Variants in FAM193A observed in about 807,000 individuals in gnomAD.
FAM193A encodes family with sequence similarity 193 member A.
In FAM193A, 22 loss-of-function variants were observed where a neutral mutation model predicts 126.5. That is an observed-to-expected ratio of 0.17 (90% confidence interval 0.12 to 0.25). The LOEUF (loss-of-function observed/expected upper bound fraction) is 0.25. Ranked by LOEUF, FAM193A falls within the 10% of genes least tolerant of loss-of-function variation. The pLI is 1.00. For missense variants in FAM193A, 1,675 were observed against 1,672.8 expected, an observed-to-expected ratio of 1.00 and a Z score of -0.02; for synonymous variants, 761 against 646.8, an observed-to-expected ratio of 1.18 and a Z score of -2.68.
intron 2 of FAM193A, among the ~76,000 whole-genome samples, chr4:2,607,110 C>T (rs375236397): frequency 3.9e-5 from 6 of 152,192 alleles, no homozygotes; most frequent in African/African-American, 1.2e-4. Flanking sequence ...CTTCCTGGGG[C>T]GTGCCGGAGA....
intron 15 of FAM193A, among the ~76,000 whole-genome samples, chr4:2,691,668 G>A (rs1716394444): frequency 6.6e-6 from 1 of 151,878 alleles, no homozygotes; most frequent in Admixed American, 6.6e-5. Flanking sequence ...AAGGAATGAG[G>A]AGGCTGAGTG....
intron 1 of FAM193A, among the ~76,000 whole-genome samples, chr4:2,542,067 G>A (rs1038941556): frequency 2.6e-5 from 4 of 151,048 alleles, no homozygotes; most frequent in South Asian, 2.1e-4. Flanking sequence ...CCCAGCTGGC[G>A]TACAGTGGGG....
In FAM193A at chr4:2,731,905, G is replaced by C. The variant is rs896013371; in HGVS notation, c.*37G>C. On this transcript the variant is annotated 3_prime_UTR_variant, in exon 21 of 21. Transcript: ENST00000637812. ...CTGGAGAGGGACACGCGAGAGGCAG[G>C]CCAGGCTGCACCACCCCAAGAGCCA... 6.6e-7 allele frequency: 1 copy of C among 1,508,692 alleles called. No homozygotes were observed. The highest frequency in any genetic ancestry group is 1.1e-5 in the South Asian group (1 of 88,898). The allele number at this position is 1,508,692 out of a possible 1,614,324, so 93.5% of individuals were successfully genotyped here.
chr4:2,666,890 A>G (rs1412482568), intron 12 of FAM193A, among the ~76,000 whole-genome samples: 1 of 152,338 alleles, frequency 6.6e-6, no homozygotes, highest in East Asian at 1.9e-4. Context: ...TAACGGCTTC[A>G]GTCACTTGGG....
intron 1 of FAM193A, among the ~76,000 whole-genome samples, chr4:2,569,247 A>G (rs972128664): frequency 7.2e-5 from 11 of 151,768 alleles, no homozygotes; most frequent in Non-Finnish European, 1.3e-4. Context: ...GATTACAGGC[A>G]TGAGCCACTG....
intron 2 of FAM193A, among the ~76,000 whole-genome samples, chr4:2,597,835 C>T (rs1332179240): frequency 1.3e-5 from 2 of 152,252 alleles, no homozygotes; most frequent in Middle Eastern, 3.4e-3. Flanking sequence ...ATTTGCATCA[C>T]CCCATAAAAT....
chr4:2,699,593 C>A (rs17774505), intron 18 of FAM193A, 87 bp from the exon 19 acceptor site: 6 of 1,330,268 alleles, frequency 4.5e-6, no homozygotes, highest in African/African-American at 2.9e-5. Flanking sequence ...ATATGTGATT[C>A]GTTTTTGAAA....
At chr4:2,660,335 C>T (rs960891233) in intron 10 of FAM193A, among the ~76,000 whole-genome samples, 2 of 152,154 alleles carry the variant, frequency 1.3e-5, no homozygotes, top group South Asian at 2.1e-4. Context: ...GGCCTCACAT[C>T]TCCTCATTCT....
chr4:2,663,169 G>A lies in FAM193A; in HGVS notation c.1960G>A (p.Gly654Ser), dbSNP rs566113808. 1.3e-5 allele frequency: 21 copies of A among 1,614,164 alleles called. No individual in the cohort carries two copies. The South Asian group carries it at 1.5e-4, about 12-fold the overall frequency. ...SSEADDEEAD[G>S]ESSGEPPGAP... ...AGAAGCTGATGATGAAGAAGCGGAC[G>A]GCGAGAGTAGTGGGGAGCCCCCAGG... The change falls in exon 12 of 21, where the codon GGC (glycine) becomes AGC (serine). Residue 654 changes from glycine to serine, a missense_variant. Coordinates refer to ENST00000637812, the MANE Select transcript of FAM193A (RefSeq NM_001366318.2).
At chr4:2,695,366 A>C (rs1716915026) in intron 17 of FAM193A, among the ~76,000 whole-genome samples, 1 of 152,182 alleles carries the variant, frequency 6.6e-6, no homozygotes, top group Non-Finnish European at 1.5e-5. Flanking sequence ...ATTCCTACTG[A>C]ATACCCATTG....
chr4:2,561,770 T>TA (rs1163476437), intron 1 of FAM193A, among the ~76,000 whole-genome samples: 15 of 152,168 alleles, frequency 9.9e-5, no homozygotes, highest in African/African-American at 3.6e-4. Context: ...GTGCTGGGAT[T>TA]ACAGGCGTGA....
At chr4:2,551,587 T>C (rs536009234) in intron 1 of FAM193A, among the ~76,000 whole-genome samples, 1 of 152,350 alleles carries the variant, frequency 6.6e-6, no homozygotes, top group African/African-American at 2.4e-5. Flanking sequence ...TATTGCTTTA[T>C]TATCCTTTTA....
chr4:2,686,352 T>C (rs971825384), intron 13 of FAM193A, among the ~76,000 whole-genome samples: 5 of 152,214 alleles, frequency 3.3e-5, no homozygotes, highest in African/African-American at 7.2e-5. Flanking sequence ...CAAACACTTA[T>C]TGAACACCCA....
intron 2 of FAM193A, among the ~76,000 whole-genome samples, chr4:2,614,102 TGTC>T (rs1394630501): frequency 3.9e-5 from 6 of 152,214 alleles, no homozygotes; most frequent in Non-Finnish European, 8.8e-5. Flanking sequence ...TAGATGATCA[TGTC>T]GTCTACAAAT....
intron 19 of FAM193A, among the ~76,000 whole-genome samples, chr4:2,710,496 CT>C (rs1334903085): frequency 2.0e-5 from 3 of 149,468 alleles, no homozygotes; most frequent in Admixed American, 6.7e-5. Context: ...TACCTCCTTT[CT>C]TTCTTTTTTA....
chr4:2,721,457 C>T lies in FAM193A; in HGVS notation c.4454+5353C>T, dbSNP rs1480233434. Among the ~76,000 whole-genome samples the T allele has an allele frequency of 4.6e-5, 7 of 152,058 alleles. No homozygotes were observed. The East Asian group carries it at 7.7e-4, about 17-fold the overall frequency. On this transcript the variant is annotated intron_variant, in intron 20 of 20. Transcript: ENST00000637812. The stretch of plus-strand genomic sequence containing the variant: ...GAGCTATGCTTACGCCACCTCACTC[C>T]AGCCTAAGCAATAGAGAGATCCTTT...
intron 12 of FAM193A, among the ~76,000 whole-genome samples, chr4:2,670,072 C>T (rs1713611548): frequency 6.6e-6 from 1 of 152,170 alleles, no homozygotes; most frequent in South Asian, 2.1e-4. Flanking sequence ...TGGTTCTGCA[C>T]ATGCTGGAGT....
intron 2 of FAM193A, among the ~76,000 whole-genome samples, chr4:2,618,483 G>A (rs146063493): frequency 0.029 from 4,391 of 151,328 alleles, 228 homozygotes; most frequent in African/African-American, 0.1. Flanking sequence ...GCTGGAGTGC[G>A]ATGGTGCGAT....
intron 7 of FAM193A, among the ~76,000 whole-genome samples, chr4:2,655,940 T>C (rs1711623369): frequency 6.6e-6 from 1 of 152,024 alleles, no homozygotes; most frequent in East Asian, 1.9e-4. Flanking sequence ...CAAAGATAAT[T>C]TTATTTACAA....
Sources: gnomAD v4.1 joint callset for allele counts (sites outside exome capture counted in the v4.1 genomes callset) on GRCh38, gnomAD v4.1.1 for gene constraint, MANE v1.5 for transcripts, NCBI Gene and HGNC (gene_info 2026-07-23, HGNC 2026-07-21) for gene names.